Variants in STAG1 observed in about 807,000 individuals in gnomAD.
STAG1 encodes the protein cohesin subunit SA-1.
STAG1 carries 26 observed loss-of-function variants against 170.9 expected under a neutral mutation model. The ratio of observed to expected loss-of-function variants is 0.15; its 90% CI spans 0.11 to 0.21. STAG1 has a LOEUF of 0.21. Among genes scored for constraint, STAG1 ranks in the 10% least tolerant of loss-of-function variants. STAG1 has a pLI of 1.00. For missense variants in STAG1, 964 were observed against 1,509.5 expected, an observed-to-expected ratio of 0.64 and a Z score of 5.99; for synonymous variants, 514 against 497.7, an observed-to-expected ratio of 1.03 and a Z score of -0.44.
intron 1 of STAG1, among the ~76,000 whole-genome samples, chr3:136,729,346 C>T (rs1933868099): frequency 6.6e-6 from 1 of 152,026 alleles, no homozygotes; most frequent in Non-Finnish European, 1.5e-5. Flanking sequence ...CCTGTCTACC[C>T]TACATCAAGC....
intron 12 of STAG1, among the ~76,000 whole-genome samples, chr3:136,471,398 A>T (rs1351188134): frequency 1.3e-5 from 2 of 152,184 alleles, no homozygotes; most frequent in African/African-American, 4.8e-5. Flanking sequence ...TTCATATCAA[A>T]CAAAAATCAG....
chr3:136,524,076 G>T (rs546166099), intron 6 of STAG1, among the ~76,000 whole-genome samples: 1 of 152,066 alleles, frequency 6.6e-6, no homozygotes, highest in Non-Finnish European at 1.5e-5. Flanking sequence ...TTGGCAATGC[G>T]GGCTCTTTTT....
At chr3:136,591,217 C>CAAA (rs574644995) in intron 4 of STAG1, among the ~76,000 whole-genome samples, 27 of 57,846 alleles carry the variant, frequency 4.7e-4, no homozygotes, top group Middle Eastern at 7.5e-3. Flanking sequence ...AGTCTTTTTT[C>CAAA]AAAAAAAAAA....
chr3:136,432,522 G>C lies in STAG1; in HGVS notation c.1650+1034C>G, dbSNP rs1385817967. Among the ~76,000 whole-genome samples, 3 of 144,018 alleles carry C rather than the reference G, an allele frequency of 2.1e-5. No individual in the cohort carries two copies. In the Admixed American group the frequency reaches 2.1e-4, roughly 10 times the overall value. 94.5% of individuals were successfully genotyped at this position (144,018 alleles called of 152,430 possible). The stretch of plus-strand genomic sequence containing the variant: ...TTTGTTTTCTTTTTTTTTGGGGGGG[G>C]GGGGGCACAGAGTCTTGCTCTGTCA... On this transcript the variant is annotated intron_variant, in intron 16 of 33. Transcript: ENST00000383202.
At chr3:136,527,422 G>C (rs993382269) in intron 6 of STAG1, among the ~76,000 whole-genome samples, 1 of 152,148 alleles carries the variant, frequency 6.6e-6, no homozygotes, top group Non-Finnish European at 1.5e-5. Context: ...CGTAGTTCTA[G>C]TGCCATGGTT....
intron 14 of STAG1, among the ~76,000 whole-genome samples, chr3:136,451,655 C>T (rs896474524): frequency 1.5e-4 from 23 of 151,902 alleles, no homozygotes; most frequent in Admixed American, 4.6e-4. Flanking sequence ...CCCAGCTACT[C>T]GGGAGGCTGA....
At chr3:136,606,750 C>CTTTTT (rs529115947) in intron 3 of STAG1, among the ~76,000 whole-genome samples, 51 of 126,942 alleles carry the variant, frequency 4.0e-4, no homozygotes, top group Non-Finnish European at 5.3e-4. Context: ...AGGTAACATG[C>CTTTTT]TTTTTTTTTT....
chr3:136,662,261 C>T (rs938603045), intron 1 of STAG1, among the ~76,000 whole-genome samples: 3 of 151,612 alleles, frequency 2.0e-5, no homozygotes, highest in Non-Finnish European at 2.9e-5. Flanking sequence ...AAACGATTCT[C>T]CTGCCTCAGG....
chr3:136,405,823 G>GAAAAAAAAAAAAAAAAAAAAAAAAAAAAA (rs2087467623), intron 21 of STAG1, among the ~76,000 whole-genome samples: 3 of 78,044 alleles, frequency 3.8e-5, no homozygotes, highest in Non-Finnish European at 2.6e-5. Flanking sequence ...AAAAAAAAAG[G>GAAAAAAAAAAAAAAAAAAAAAAAAAAAAA]AAAAATGTTA....
At chr3:136,355,299 C>T (rs1218332081) in intron 28 of STAG1, among the ~76,000 whole-genome samples, 1 of 136,238 alleles carries the variant, frequency 7.3e-6, no homozygotes, top group Non-Finnish European at 1.5e-5. Flanking sequence ...TTGCAGTGAG[C>T]CAAGATTGTG....
At chr3:136,640,260 A>C (rs1940739049) in intron 1 of STAG1, among the ~76,000 whole-genome samples, 1 of 152,238 alleles carries the variant, frequency 6.6e-6, no homozygotes, top group South Asian at 2.1e-4. Flanking sequence ...AATTCCGAAC[A>C]AATATTGTTT....
chr3:136,644,551 C>T (rs1036704804), intron 1 of STAG1, among the ~76,000 whole-genome samples: 1 of 152,084 alleles, frequency 6.6e-6, no homozygotes, highest in Non-Finnish European at 1.5e-5. Flanking sequence ...AACTGTTATA[C>T]TAAGTACAAA....
chr3:136,627,006 G>A (rs1489313965), intron 2 of STAG1, among the ~76,000 whole-genome samples: 1 of 152,162 alleles, frequency 6.6e-6, no homozygotes, highest in Non-Finnish European at 1.5e-5. Context: ...AAGTGTCCAG[G>A]CAACTATAGG....
At chr3:136,574,038 C>T (rs974746827) in intron 4 of STAG1, among the ~76,000 whole-genome samples, 7 of 149,842 alleles carry the variant, frequency 4.7e-5, no homozygotes, top group Admixed American at 2.0e-4. Context: ...GGCAGGAGAT[C>T]GAGACCATCC....
chr3:136,402,535 A>C (rs2087357683), intron 21 of STAG1, among the ~76,000 whole-genome samples: 2 of 151,736 alleles, frequency 1.3e-5, no homozygotes, highest in Non-Finnish European at 2.9e-5. Context: ...TTACTTTAAA[A>C]TTTTCAGGTT....
intron 1 of STAG1, among the ~76,000 whole-genome samples, chr3:136,681,505 G>A (rs1204836792): frequency 6.6e-6 from 1 of 152,032 alleles, no homozygotes; most frequent in African/African-American, 2.4e-5. Flanking sequence ...CAAGGCATGA[G>A]GTTATAAATA....
At chr3:136,587,800 C>CA (rs1292159479) in intron 4 of STAG1, among the ~76,000 whole-genome samples, 1 of 151,914 alleles carries the variant, frequency 6.6e-6, no homozygotes, top group African/African-American at 2.4e-5. Flanking sequence ...ACCAAAAACA[C>CA]AAAAATTAGC....
intron 7 of STAG1, among the ~76,000 whole-genome samples, chr3:136,514,406 G>T (rs1320851301): frequency 2.0e-5 from 3 of 152,190 alleles, no homozygotes; most frequent in African/African-American, 4.8e-5. Flanking sequence ...AAAAAGTCAG[G>T]AAACAACAGA....
intron 1 of STAG1, among the ~76,000 whole-genome samples, chr3:136,744,280 T>C (rs1298970949): frequency 6.6e-6 from 1 of 152,098 alleles, no homozygotes; most frequent in Admixed American, 6.6e-5. Flanking sequence ...TAAGCCGAGA[T>C]TGCACCATTG....
Sources: allele counts gnomAD v4.1 joint callset (sites outside exome capture counted in the v4.1 genomes callset), GRCh38; gene constraint gnomAD v4.1.1; transcripts MANE v1.5; gene names NCBI Gene and HGNC (gene_info 2026-07-23, HGNC 2026-07-21).